CTTNBP2NL: variants seen among roughly 807,000 people sequenced by gnomAD.
CTTNBP2NL encodes CTTNBP2 N-terminal-like protein.
Under a neutral mutation model 32.5 loss-of-function variants are expected in CTTNBP2NL, and 16 were observed. That is an observed-to-expected ratio of 0.49 (90% CI 0.33 to 0.75). CTTNBP2NL has a LOEUF of 0.75. CTTNBP2NL is among the 30% of genes least tolerant of loss of function. CTTNBP2NL has a pLI of 0.02. For synonymous variants in CTTNBP2NL, 298 were observed against 289.4 expected (o/e 1.03, Z -0.30); for missense variants, 645 against 756.0 (o/e 0.85, Z 1.72).
intron 3 of CTTNBP2NL, among the ~76,000 whole-genome samples, chr1:112,442,428 A>G (rs999779822): frequency 6.6e-5 from 10 of 152,208 alleles, no homozygotes; most frequent in African/African-American, 2.2e-4. Context: ...ATTTATATTC[A>G]GAGCATTCTC....
At chr1:112,454,704 A>G (rs570401932) in intron 5 of CTTNBP2NL, 148 bp downstream of exon 5, 1 of 659,948 alleles carries the variant, frequency 1.5e-6, no homozygotes, top group African/African-American at 1.8e-5. Context: ...AAAGTTAAAC[A>G]GGTTTCTAAC....
intron 3 of CTTNBP2NL, among the ~76,000 whole-genome samples, chr1:112,418,507 T>C (rs1570723615): frequency 6.6e-6 from 1 of 152,164 alleles, no homozygotes; most frequent in East Asian, 1.9e-4. Flanking sequence ...GGACCTATAC[T>C]ATATTTGGTC....
rs375633541 is a variant in CTTNBP2NL, at chr1:112,401,742, A to G, written c.-134+5470A>G. Among the ~76,000 whole-genome samples the G allele has an allele frequency of 8.5e-5, 13 of 152,318 alleles. No homozygotes were observed. The East Asian group carries it at 2.3e-3, about 27-fold the overall frequency. On this transcript the variant is annotated intron_variant, in intron 1 of 5. Coordinates refer to ENST00000271277, the MANE Select transcript of CTTNBP2NL (RefSeq NM_018704.3). ...TGGGTTGAAGAAAACAAGACTACAAAGAGGCATTGAACTAGATAATGCAAT... is the reference window on the plus strand; with the variant it reads ...TGGGTTGAAGAAAACAAGACTACAAGGAGGCATTGAACTAGATAATGCAAT...
Position 112,456,089 on chromosome 1 carries a change from G to A in CTTNBP2NL, c.597G>A (p.Lys199=). 6.2e-7 allele frequency: 1 copy of A among 1,614,190 alleles called. No individual in the cohort carries two copies. Among genetic ancestry groups the A allele is most frequent in the Non-Finnish European group, 8.5e-7 (1 of 1,180,032 alleles). The change falls in exon 6 of 6, where the codon AAG becomes AAA. Residue 199 remains lysine, a synonymous_variant. Coordinates refer to ENST00000271277, the MANE Select transcript of CTTNBP2NL (RefSeq NM_018704.3). ...ACAAGGCAGCCGAGGAAGGACAGAA[G>A]GCAGGAGAGCTGAGCCTGAAATTGG... The part of the protein sequence containing the change: ...ATNKAAEEGQ[K]AGELSLKLEK...
At chr1:112,412,671 C>T (rs1421362782) in intron 2 of CTTNBP2NL, among the ~76,000 whole-genome samples, 1 of 124,434 alleles carries the variant, frequency 8.0e-6, no homozygotes, top group Non-Finnish European at 1.6e-5. Flanking sequence ...GGCTAGAGTA[C>T]AGTGGCGTGA....
intron 1 of CTTNBP2NL, among the ~76,000 whole-genome samples, chr1:112,409,908 C>T (rs1327148844): frequency 6.6e-6 from 1 of 152,128 alleles, no homozygotes; most frequent in African/African-American, 2.4e-5. Flanking sequence ...GTTAAGGAGG[C>T]ACAGTGGGGT....
Position 112,456,616 on chromosome 1 carries a change from G to T in CTTNBP2NL, c.1124G>T (p.Arg375Leu), listed in dbSNP as rs761475280. Residue 375 changes from arginine to leucine, a missense_variant, in exon 6 of 6, where the codon CGG (arginine) becomes CTG (leucine). Physicochemically the swap from Arg to Leu is moderately radical, Grantham distance 102. Coordinates refer to ENST00000271277, the MANE Select transcript of CTTNBP2NL (RefSeq NM_018704.3). ...GNNVENQVPP[R>L]EKSVALAQEK... ...AATGTAGAAAACCAGGTGCCTCCAC[G>T]GGAAAAATCTGTGGCATTGGCCCAA... The T allele has an allele frequency of 5.6e-6, 9 of 1,614,090 alleles. No individual in the cohort carries two copies. The highest frequency in any genetic ancestry group is 7.6e-6 in the Non-Finnish European group (9 of 1,180,012).
At chr1:112,430,546 CTTTTTTTTTT>C (rs552996822) in intron 3 of CTTNBP2NL, among the ~76,000 whole-genome samples, 1 of 80,504 alleles carries the variant, frequency 1.2e-5, no homozygotes. Flanking sequence ...CCATAGCTAG[CTTTTTTTTTT>C]TTTTTTTTTT....
chr1:112,391,988 C>CTCAA (rs997941495), upstream of CTTNBP2NL, among the ~76,000 whole-genome samples: 1 of 121,242 alleles, frequency 8.2e-6, no homozygotes, highest in Admixed American at 7.5e-5. Flanking sequence ...GAGACCCTGT[C>CTCAA]TCAATAAATA....
chr1:112,455,669 A>G (rs1650339889), intron 5 of CTTNBP2NL, among the ~76,000 whole-genome samples: 1 of 152,232 alleles, frequency 6.6e-6, no homozygotes, highest in Non-Finnish European at 1.5e-5. Context: ...GATGCTCTCC[A>G]CATACGTGAA....
intron 3 of CTTNBP2NL, among the ~76,000 whole-genome samples, chr1:112,426,797 G>A (rs1413700587): frequency 1.3e-5 from 2 of 151,798 alleles, no homozygotes; most frequent in East Asian, 3.9e-4. Flanking sequence ...CTATAGACAA[G>A]GTTTCACCAT....
At chr1:112,406,994 A>G (rs1648685004) in intron 1 of CTTNBP2NL, among the ~76,000 whole-genome samples, 1 of 152,210 alleles carries the variant, frequency 6.6e-6, no homozygotes, top group South Asian at 2.1e-4. Flanking sequence ...TTTCTTTGTA[A>G]GTGCACTATT....
chr1:112,455,850 T>A, intron 5 of CTTNBP2NL, 81 bp from the exon 6 acceptor site: 1 of 1,012,512 alleles, frequency 9.9e-7, no homozygotes, highest in East Asian at 2.5e-5. Flanking sequence ...ATGTTAATCC[T>A]GTATACCAGA....
chr1:112,456,554 A>T lies in CTTNBP2NL; in HGVS notation c.1062A>T (p.Pro354=). The T allele has an allele frequency of 6.2e-7, 1 of 1,614,202 alleles. No individual in the cohort carries two copies. Among genetic ancestry groups the T allele is most frequent in the African/African-American group, 1.3e-5 (1 of 75,050 alleles). ...SYAKTNGHCD[P]EIQTTRELTA... is the part of the protein sequence containing the mutation. ...CAAAAACCAATGGCCATTGTGACCC[A>T]GAGATACAAACTACCAGGGAGCTGA... The change falls in exon 6 of 6, where the codon CCA becomes CCT. Residue 354 remains proline (P), a synonymous_variant. Coordinates refer to ENST00000271277, the MANE Select transcript of CTTNBP2NL (RefSeq NM_018704.3).
At chr1:112,447,441 A>C (rs887143750) in intron 3 of CTTNBP2NL, among the ~76,000 whole-genome samples, 1 of 152,168 alleles carries the variant, frequency 6.6e-6, no homozygotes, top group African/African-American at 2.4e-5. Context: ...CAGTATACAA[A>C]TAACATCCAA....
chr1:112,444,365 A>C (rs1320367726), intron 3 of CTTNBP2NL, among the ~76,000 whole-genome samples: 1 of 152,208 alleles, frequency 6.6e-6, no homozygotes, highest in Non-Finnish European at 1.5e-5. Context: ...GTTAGGAATA[A>C]CACAGCTGAA....
At chr1:112,392,617 G>A (rs1309100181), upstream of CTTNBP2NL, among the ~76,000 whole-genome samples, 2 of 152,142 alleles carry the variant, frequency 1.3e-5, no homozygotes, top group East Asian at 1.9e-4. Flanking sequence ...AGGTCATGGT[G>A]GAATAGAGTA....
At chr1:112,416,907 A>G (rs1649084148) in intron 3 of CTTNBP2NL, among the ~76,000 whole-genome samples, 1 of 152,154 alleles carries the variant, frequency 6.6e-6, no homozygotes, top group Non-Finnish European at 1.5e-5. Flanking sequence ...CAAAATTTGA[A>G]ATATAATATC....
chr1:112,454,650 A>C (rs1451686661), intron 5 of CTTNBP2NL, 94 bp downstream of exon 5: 2 of 928,572 alleles, frequency 2.2e-6, no homozygotes, highest in African/African-American at 3.3e-5. Flanking sequence ...TGTTCAGAAA[A>C]GGGGCTTTGT....
Sources: allele counts gnomAD v4.1 joint callset (sites outside exome capture counted in the v4.1 genomes callset), GRCh38; gene constraint gnomAD v4.1.1; transcripts MANE v1.5; gene names NCBI Gene and HGNC (gene_info 2026-07-23, HGNC 2026-07-21).